Variants in NEDD4L observed in about 807,000 individuals in gnomAD.
The protein encoded by NEDD4L is E3 ubiquitin-protein ligase NEDD4-like.
A neutral mutation model predicts 148.9 loss-of-function variants in NEDD4L; 54 were observed. The observed-to-expected ratio is 0.36, with a 90% CI of 0.29 to 0.45. The LOEUF (loss-of-function observed/expected upper bound fraction) is 0.45, where lower values mean the gene tolerates loss of function less well. Ranked by LOEUF, NEDD4L falls within the 20% of genes least tolerant of loss-of-function variation. NEDD4L has a pLI of 1.00. For synonymous variants in NEDD4L, 433 were observed against 440.7 expected (o/e 0.98, Z 0.22); for missense variants, 856 against 1,233.8 (o/e 0.69, Z 4.59).
At chr18:58,222,697 T>G (rs1384854813) in intron 2 of NEDD4L, among the ~76,000 whole-genome samples, 1 of 152,240 alleles carries the variant, frequency 6.6e-6, no homozygotes. Flanking sequence ...CAGTAAAGTA[T>G]TTCTGATGTC....
chr18:58,119,930 TC>T (rs1437122852), intron 1 of NEDD4L, among the ~76,000 whole-genome samples: 5 of 152,294 alleles, frequency 3.3e-5, no homozygotes, highest in African/African-American at 1.2e-4. Flanking sequence ...CTTACCTGGC[TC>T]CCCAGGCCCC....
intron 2 of NEDD4L, chr18:58,221,647 A>T: frequency 1.0e-6 from 1 of 985,474 alleles, no homozygotes; most frequent in Non-Finnish European, 1.2e-6. Context: ...ACTGGGAAGG[A>T]GGAAGACGAG....
At chr18:58,293,631 CTT>C (rs1285272844) in intron 5 of NEDD4L, among the ~76,000 whole-genome samples, 16 of 152,266 alleles carry the variant, frequency 1.1e-4, no homozygotes, top group African/African-American at 3.9e-4. Flanking sequence ...ATAACCTAGT[CTT>C]TGCAAAACAT....
At chr18:58,182,252 G>A (rs566126100) in intron 2 of NEDD4L, among the ~76,000 whole-genome samples, 18 of 152,020 alleles carry the variant, frequency 1.2e-4, no homozygotes, top group Non-Finnish European at 2.5e-4. Context: ...TGCGGGGCGG[G>A]GGGTGAATGC....
chr18:58,201,308 G>A (rs1303134318), intron 2 of NEDD4L, among the ~76,000 whole-genome samples: 3 of 152,082 alleles, frequency 2.0e-5, no homozygotes, highest in African/African-American at 7.3e-5. Context: ...ACTCCAGCTT[G>A]GGTGACAGAG....
At chr18:58,303,530 G>T (rs2056740333) in intron 5 of NEDD4L, among the ~76,000 whole-genome samples, 1 of 152,186 alleles carries the variant, frequency 6.6e-6, no homozygotes, top group East Asian at 1.9e-4. Flanking sequence ...CTTGCAAGGA[G>T]CTCCGCCTTT....
At chr18:58,392,181 G>A (rs2049920716) in intron 30 of NEDD4L, among the ~76,000 whole-genome samples, 1 of 152,234 alleles carries the variant, frequency 6.6e-6, no homozygotes, top group African/African-American at 2.4e-5. Flanking sequence ...CAGACTGGAT[G>A]GGATCAGTTT....
At chr18:58,392,057 A>T (rs781703345) in intron 30 of NEDD4L, among the ~76,000 whole-genome samples, 1 of 152,374 alleles carries the variant, frequency 6.6e-6, no homozygotes, top group African/African-American at 2.4e-5. Context: ...ACACGTGGCC[A>T]GGGATGCCCA....
chr18:58,230,114 G>C (rs558578979), intron 2 of NEDD4L, among the ~76,000 whole-genome samples: 1 of 152,244 alleles, frequency 6.6e-6, no homozygotes, highest in Admixed American at 6.5e-5. Flanking sequence ...AAATTATAAT[G>C]GTGCATAGTG....
intron 2 of NEDD4L, among the ~76,000 whole-genome samples, chr18:58,193,033 T>C (rs1047991859): frequency 6.6e-6 from 1 of 152,162 alleles, no homozygotes; most frequent in Admixed American, 6.5e-5. Context: ...TTGCAAAGGT[T>C]TTTACAGTGA....
At chr18:58,078,782 A>T (rs1289870963) in intron 1 of NEDD4L, among the ~76,000 whole-genome samples, 1 of 152,160 alleles carries the variant, frequency 6.6e-6, no homozygotes, top group Non-Finnish European at 1.5e-5. Flanking sequence ...GGGAGGAGGA[A>T]GATGAAGGTG....
chr18:58,064,130 A>G (rs2082482340), intron 1 of NEDD4L, among the ~76,000 whole-genome samples: 2 of 151,786 alleles, frequency 1.3e-5, no homozygotes, highest in African/African-American at 4.8e-5. Context: ...ACGCCCGGCT[A>G]ACTTTTTATA....
intron 19 of NEDD4L, among the ~76,000 whole-genome samples, chr18:58,362,474 G>A (rs1319173468): frequency 1.3e-5 from 2 of 152,238 alleles, no homozygotes; most frequent in Non-Finnish European, 2.9e-5. Context: ...ATGTGATGCA[G>A]AGCCAGCTGA....
chr18:58,391,656 C>T, intron 30 of NEDD4L, 97 bp downstream of exon 30: 1 of 797,868 alleles, frequency 1.3e-6, no homozygotes, highest in East Asian at 2.7e-5. Context: ...TGTTTCCTGT[C>T]TGTAAGTAGC....
intron 2 of NEDD4L, among the ~76,000 whole-genome samples, chr18:58,186,135 A>G (rs909787726): frequency 2.0e-5 from 3 of 152,076 alleles, no homozygotes; most frequent in African/African-American, 7.3e-5. Context: ...ACAAGAACAT[A>G]CATTCCCTAG....
chr18:58,227,251 C>A (rs1456487250), intron 2 of NEDD4L, among the ~76,000 whole-genome samples: 3 of 152,178 alleles, frequency 2.0e-5, no homozygotes, highest in African/African-American at 7.2e-5. Flanking sequence ...CCTAAAACAA[C>A]CATGCCAGAC....
chr18:58,195,670 T>A, intron 2 of NEDD4L: 1 of 1,351,998 alleles, frequency 7.4e-7, no homozygotes, highest in Non-Finnish European at 9.8e-7. Context: ...ACAGACCATC[T>A]GCATCTAGAC....
At chr18:58,395,207 C>T (rs1372553404) in intron 30 of NEDD4L, among the ~76,000 whole-genome samples, 1 of 152,192 alleles carries the variant, frequency 6.6e-6, no homozygotes. Flanking sequence ...ATTTTCATGA[C>T]AGATACACAT....
chr18:58,107,019 A>C (rs971855062), intron 1 of NEDD4L, among the ~76,000 whole-genome samples: 1 of 152,182 alleles, frequency 6.6e-6, no homozygotes, highest in Non-Finnish European at 1.5e-5. Context: ...GTCGAAGATC[A>C]AAGTGTTGAC....
Sources: allele counts gnomAD v4.1 joint callset (sites outside exome capture counted in the v4.1 genomes callset), GRCh38; gene constraint gnomAD v4.1.1; transcripts MANE v1.5; gene names NCBI Gene and HGNC (gene_info 2026-07-23, HGNC 2026-07-21).